REEP2: variants seen among roughly 807,000 people sequenced by gnomAD.
REEP2 encodes receptor expression-enhancing protein 2.
In REEP2, 9 loss-of-function variants were observed where a neutral mutation model predicts 32.1. That is an observed-to-expected ratio of 0.28 (90% CI 0.17 to 0.49). The LOEUF (loss-of-function observed/expected upper bound fraction) is 0.49. Ranked by LOEUF, REEP2 falls within the 20% of genes least tolerant of loss-of-function variation. The pLI is 0.99. For missense variants in REEP2, 236 were observed against 338.0 expected, an observed-to-expected ratio of 0.70 and a Z score of 2.37; for synonymous variants, 128 against 139.1, an observed-to-expected ratio of 0.92 and a Z score of 0.56.
intron 3 of REEP2, among the ~76,000 whole-genome samples, chr5:138,442,045 C>A (rs1763836276): frequency 6.6e-6 from 1 of 152,228 alleles, no homozygotes; most frequent in Non-Finnish European, 1.5e-5. Flanking sequence ...CTGCCTGCGA[C>A]CTTAGGCAGG....
intron 1 of REEP2, chr5:138,439,951 G>A (rs1311672505): frequency 5.5e-6 from 2 of 362,478 alleles, no homozygotes; most frequent in Non-Finnish European, 1.1e-5. Flanking sequence ...GCACCTCCCC[G>A]GGCCCCAGGA....
In REEP2 at chr5:138,441,150, G is replaced by T; in HGVS notation, c.105+62G>T. The T allele has an allele frequency of 6.2e-7, 1 of 1,600,618 alleles. No homozygotes were observed. Reference sequence around the variant, plus strand: ...ATGGCACAGAGAGGGGAGGGCACTGGGTCCTATTACAGATGGGGGTGACTT... The same window carrying T: ...ATGGCACAGAGAGGGGAGGGCACTGTGTCCTATTACAGATGGGGGTGACTT... On this transcript the variant is annotated intron_variant, in intron 2 of 7. Coordinates refer to ENST00000378339, the MANE Select transcript of REEP2 (RefSeq NM_001271803.2). This position sits in a 1 kb window ranked among gnomAD's most constrained non-coding sequence, Gnocchi z 4.4.
In REEP2 at chr5:138,444,771, C is replaced by T; in HGVS notation, c.321C>T (p.Ile107=). ...TCCCATAGGAGATCGACGAGTACAT[C>T]ACGCAGGCCCGAGACAAGAGCTATG... ...SNKEKEIDEY[I]TQARDKSYET... The change falls in exon 5 of 8, where the codon ATC becomes ATT. Residue 107 remains isoleucine (I), a synonymous_variant. Transcript: ENST00000378339. The T allele has an allele frequency of 3.1e-6, 5 of 1,613,986 alleles. No individual in the cohort carries two copies. Among genetic ancestry groups the T allele is most frequent in the Non-Finnish European group, 4.2e-6 (5 of 1,179,892 alleles).
Position 138,445,566 on chromosome 5 carries a change from G to T in REEP2, c.664G>T (p.Ala222Ser), listed in dbSNP as rs868536652. The stretch of plus-strand genomic sequence containing the variant: ...CATGGGAGACAAAGCTCCCAAGAGG[G>T]CCAAACCCATCAAAAAAGCGCCCAA... ...DDMGDKAPKR[A>S]KPIKKAPKAE... The change falls in exon 7 of 8, where the codon GCC becomes TCC. Residue 222 changes from alanine (A) to serine (S), a missense_variant. Coordinates refer to ENST00000378339, the MANE Select transcript of REEP2 (RefSeq NM_001271803.2). 1 of 1,614,190 alleles carries T rather than the reference G, an allele frequency of 6.2e-7. No individual in the cohort carries two copies. The highest frequency in any genetic ancestry group is 1.3e-5 in the African/African-American group (1 of 75,052).
Position 138,444,505 on chromosome 5 carries a change from C to G in REEP2, c.273C>G (p.Phe91Leu), listed in dbSNP as rs778431898. ...GCTCCAGCGTGCTCTACCGCAAGTT[C>G]GTGCACCCAACGCTGTCCAACAAGG... Reference protein sequence around the residue: ...TKGSSVLYRKFVHPTLSNKEK... With the variant: ...TKGSSVLYRKLVHPTLSNKEK... Residue 91 changes from phenylalanine (F) to leucine (L), a missense_variant, in exon 4 of 8, where the codon TTC becomes TTG. Transcript: ENST00000378339. 1 of 1,614,074 alleles carries G rather than the reference C, an allele frequency of 6.2e-7. No individual in the cohort carries two copies. The highest frequency in any genetic ancestry group is 8.5e-7 in the Non-Finnish European group (1 of 1,179,984).
rs1325903054 is a variant in REEP2 at position 138,445,388 on chromosome 5, C to T, written c.565+13C>T. 6.2e-7 allele frequency: 1 copy of T among 1,611,916 alleles called. No individual in the cohort carries two copies. ...ATCGAGGACTTAGGTACAGGCAGGG[C>T]CCGGGGTTGGGGTGGGGCCCCAAGG... On this transcript the variant is annotated intron_variant, in intron 6 of 7. Transcript: ENST00000378339.
intron 3 of REEP2, among the ~76,000 whole-genome samples, chr5:138,442,718 G>C (rs948919789): frequency 7.9e-5 from 12 of 152,056 alleles, no homozygotes; most frequent in African/African-American, 2.7e-4. Context: ...AAAATTAGCC[G>C]GGCGTGGTGG....
intron 4 of REEP2, 26 bp from the exon 5 acceptor site, chr5:138,444,728 T>C (rs1763892133): frequency 1.9e-6 from 3 of 1,606,864 alleles, no homozygotes; most frequent in Non-Finnish European, 2.6e-6. Flanking sequence ...ACCTCTCCTC[T>C]TCTCCCTTCC....
chr5:138,444,294 G>T, intron 3 of REEP2, 121 bp from the exon 4 acceptor site: 2 of 1,220,272 alleles, frequency 1.6e-6, no homozygotes, highest in East Asian at 2.4e-5. Flanking sequence ...GAGCCCCATG[G>T]GGACCCCAGT....
chr5:138,439,503 C>T (rs575149513), intron 1 of REEP2, among the ~76,000 whole-genome samples: 40 of 152,310 alleles, frequency 2.6e-4, no homozygotes, highest in African/African-American at 6.3e-4. Flanking sequence ...CTTGCTCCTG[C>T]GCCCATCCTA....
In REEP2 at chr5:138,441,028, C is replaced by T; in HGVS notation, c.45C>T (p.Gly15=). Residue 15 remains glycine, a synonymous_variant, in exon 2 of 8, where the codon GGC becomes GGT. Coordinates refer to ENST00000378339, the MANE Select transcript of REEP2 (RefSeq NM_001271803.2). The surrounding 1 kb of genome is among the most constrained non-coding windows in gnomAD (Gnocchi z 4.4). Reference sequence around the variant, plus strand: ...CCTGCCTCCCTAGGCTCATCTTTGGCACCCTGTACCCAGCCTATTCTTCCT... The same window carrying T: ...CCTGCCTCCCTAGGCTCATCTTTGGTACCCTGTACCCAGCCTATTCTTCCT... ...IISRLVVLIF[G]TLYPAYSSYK... is the part of the protein sequence containing the mutation. 1 of 1,613,260 alleles carries T rather than the reference C, an allele frequency of 6.2e-7. No individual in the cohort carries two copies. The highest frequency in any genetic ancestry group is 8.5e-7 in the Non-Finnish European group (1 of 1,179,994).
At chr5:138,444,229 T>G in intron 3 of REEP2, 186 bp from the exon 4 acceptor site, 1 of 586,000 alleles carries the variant, frequency 1.7e-6, no homozygotes, top group East Asian at 3.0e-5. Flanking sequence ...CCTTCCTGTT[T>G]GGAGCTTCAG....
In REEP2 at chr5:138,441,760, A is replaced by G. The variant is rs537103247; in HGVS notation, c.182+299A>G. ...GCCAACATGGTGAAACCCCGTCTCCACTAAAAATACAAAAAAAAAATAGCT... is the reference window on the plus strand; with the variant it reads ...GCCAACATGGTGAAACCCCGTCTCCGCTAAAAATACAAAAAAAAAATAGCT... On this transcript the variant is annotated intron_variant, in intron 3 of 7. Coordinates refer to ENST00000378339, the MANE Select transcript of REEP2 (RefSeq NM_001271803.2). The surrounding 1 kb of genome is among the most constrained non-coding windows in gnomAD (Gnocchi z 4.4). Among the ~76,000 whole-genome samples, 123 of 151,870 alleles carry G rather than the reference A, an allele frequency of 8.1e-4. No individual in the cohort carries two copies. Among genetic ancestry groups the G allele is most frequent in the Non-Finnish European group, 1.4e-3 (97 of 67,854 alleles).
At chr5:138,439,704 C>G in intron 1 of REEP2, 1 of 457,398 alleles carries the variant, frequency 2.2e-6, no homozygotes, top group South Asian at 1.5e-5. Flanking sequence ...TCACCAGGCC[C>G]CTTGGTCTCT....
Position 138,445,577 on chromosome 5 carries a change from C to G in REEP2, c.675C>G (p.Ile225Met). 1 of 1,614,158 alleles carries G rather than the reference C, an allele frequency of 6.2e-7. No individual in the cohort carries two copies. Among genetic ancestry groups the G allele is most frequent in the Non-Finnish European group, 8.5e-7 (1 of 1,180,018 alleles). ...GDKAPKRAKP[I>M]KKAPKAEPLA... ...AAGCTCCCAAGAGGGCCAAACCCATCAAAAAAGCGCCCAAAGCTGAGGTGA... is the reference window on the plus strand; with the variant it reads ...AAGCTCCCAAGAGGGCCAAACCCATGAAAAAAGCGCCCAAAGCTGAGGTGA... The change falls in exon 7 of 8, where the codon ATC (isoleucine) becomes ATG (methionine). Residue 225 changes from isoleucine to methionine, a missense_variant. Ile to Met is a conservative substitution (Grantham distance 10). Transcript: ENST00000378339.
At position 138,444,881 on chromosome 5, in the gene REEP2, A is replaced by G; in HGVS notation, c.417+14A>G. On this transcript the variant is annotated intron_variant, in intron 5 of 7. Coordinates refer to ENST00000378339, the MANE Select transcript of REEP2 (RefSeq NM_001271803.2). Reference sequence around the variant, plus strand: ...GCTGCCGCCAAGGTGAGATGGGGGCAGGCTCAGACTCCCAGGGCCCCTACC... The same window carrying G: ...GCTGCCGCCAAGGTGAGATGGGGGCGGGCTCAGACTCCCAGGGCCCCTACC... The G allele has an allele frequency of 6.3e-7, 1 of 1,592,966 alleles. No individual in the cohort carries two copies. Among genetic ancestry groups the G allele is most frequent in the South Asian group, 1.1e-5 (1 of 89,502 alleles).
At chr5:138,440,460 T>G (rs751956366) in intron 1 of REEP2, among the ~76,000 whole-genome samples, 16 of 152,204 alleles carry the variant, frequency 1.1e-4, no homozygotes, top group Non-Finnish European at 2.1e-4. Context: ...GCCCTGTCCC[T>G]GTGGTGTTTA....
At chr5:138,442,909 C>T (rs189502371) in intron 3 of REEP2, among the ~76,000 whole-genome samples, 1 of 151,966 alleles carries the variant, frequency 6.6e-6, no homozygotes, top group African/African-American at 2.4e-5. Flanking sequence ...ACTTGTAATC[C>T]CAGCTACTTG....
In REEP2 at chr5:138,439,210, TG is replaced by T; in HGVS notation, c.4del (p.Val2?). [M>X]VSWIISRLVV... ...CCCCGCGCCGCGCCCGGCCCCGCCA[TG>T]GTGTCCTGGATCATCTCTCGCCTGG... On this transcript the variant is annotated frameshift_variant and start_lost, in exon 1 of 8. Transcript: ENST00000378339. LOFTEE classifies it high-confidence loss of function. The T allele has an allele frequency of 7.3e-7, 1 of 1,376,378 alleles. No individual in the cohort carries two copies. The highest frequency in any genetic ancestry group is 9.4e-7 in the Non-Finnish European group (1 of 1,064,644). The allele number at this position is 1,376,378 out of a possible 1,614,324, so 85.3% of individuals were successfully genotyped here. A position where few individuals can be genotyped will look rare whatever the true frequency, so the allele number is the denominator to read the frequency against.
Sources: allele counts gnomAD v4.1 joint callset (sites outside exome capture counted in the v4.1 genomes callset), GRCh38; gene constraint gnomAD v4.1.1; non-coding constraint Gnocchi (gnomAD v3.1); transcripts MANE v1.5; gene names NCBI Gene and HGNC (gene_info 2026-07-23, HGNC 2026-07-21).